The following POLE variants were observed in gnomAD, a reference collection of about 807,000 sequenced individuals.
POLE encodes the protein DNA polymerase epsilon, catalytic subunit, also known as DNA polymerase epsilon catalytic subunit A.
POLE carries 188 observed loss-of-function variants against 279.2 expected under a neutral mutation model. The observed-to-expected ratio is 0.67, with a 90% CI of 0.60 to 0.76. The LOEUF is 0.76. Among genes scored for constraint, POLE ranks in the 30% least tolerant of loss-of-function variants. The pLI is 0.00. For missense variants in POLE, 2,703 were observed against 3,016.7 expected (o/e 0.90, Z 2.44); for synonymous variants, 1,214 against 1,172.5 (o/e 1.04, Z -0.72).
At position 132,635,930 on chromosome 12, in the gene POLE, T is replaced by G. The variant is rs2042022859; in HGVS notation, c.5773A>C (p.Ile1925Leu). The change falls in exon 42 of 49, where the codon ATC becomes CTC. Residue 1925 changes from isoleucine to leucine, a missense_variant. This residue lies in a region of POLE where 1,551 missense variants were observed against 1,686.1 expected (regional missense o/e 0.92). Transcript: ENST00000320574. ...LWMDPSNYGG[I>L]KGKVSSRIHC... ...ATACGAGATGAAACTTTTCCTTTGA[T>G]TCCGCCATAGTTAGATGGATCCATC... 1 of 1,613,830 alleles carries G rather than the reference T, an allele frequency of 6.2e-7. No individual in the cohort carries two copies. Among genetic ancestry groups the G allele is most frequent in the Non-Finnish European group, 8.5e-7 (1 of 1,179,872 alleles).
chr12:132,680,128 C>A (rs1249799026), intron 4 of POLE, 50 bp downstream of exon 4: 2 of 1,600,028 alleles, frequency 1.2e-6, no homozygotes, highest in Non-Finnish European at 1.7e-6. Flanking sequence ...CAAAGCCCAC[C>A]ACAGAATGAC....
In POLE at chr12:132,641,722, T is replaced by G; in HGVS notation, c.5303A>C (p.Asp1768Ala). The G allele has an allele frequency of 6.2e-7, 1 of 1,613,486 alleles. No homozygotes were observed. The highest frequency in any genetic ancestry group is 8.5e-7 in the Non-Finnish European group (1 of 1,180,024). ...GGCAGCCTGACCACCCGTGATCATG[T>G]CCTCCAGGGAGGCCTGCTGGATCAC... ...FDVIQQASLE[D>A]MITGGQAASA... Residue 1768 changes from aspartate (D) to alanine (A), a missense_variant, in exon 39 of 49, where the codon GAC becomes GCC. Around this residue, in one of 5 missense-constraint regions of POLE, gnomAD observed 1,551 missense variants for 1,686.1 expected, o/e 0.92. Transcript: ENST00000320574.
At position 132,649,435 on chromosome 12, in the gene POLE, C is replaced by T. The variant is rs2138608438; in HGVS notation, c.3876G>A (p.Arg1292=). Residue 1292 remains arginine (R), a synonymous_variant, in exon 31 of 49, where the codon AGG becomes AGA. Coordinates refer to ENST00000320574, the MANE Select transcript of POLE (RefSeq NM_006231.4). ...QARQRLARRK[R]QRLESAEGVL... is the part of the protein sequence containing the mutation. The stretch of plus-strand genomic sequence containing the variant: ...CACCCTCTGCCGACTCCAGACGCTG[C>T]CTCTTCCTGCGGGCGAGGCGCTGCC... The T allele has an allele frequency of 6.2e-7, 1 of 1,612,890 alleles. No homozygotes were observed. The highest frequency in any genetic ancestry group is 8.5e-7 in the Non-Finnish European group (1 of 1,180,018).
At chr12:132,670,109 C>T (rs910805905) in intron 16 of POLE, among the ~76,000 whole-genome samples, 4 of 151,950 alleles carry the variant, frequency 2.6e-5, no homozygotes, top group South Asian at 2.1e-4. Context: ...CGGTGGCTCA[C>T]GCCTGTAATC....
intron 45 of POLE, among the ~76,000 whole-genome samples, chr12:132,628,337 C>T (rs1487991422): frequency 1.4e-5 from 2 of 147,678 alleles, no homozygotes; most frequent in Non-Finnish European, 3.0e-5. Flanking sequence ...GAGACTCCAT[C>T]TTAAAAAAAA....
rs747692201 is a variant in POLE at position 132,661,010 on chromosome 12, C to G, written c.3019G>C (p.Ala1007Pro). 8.1e-6 allele frequency: 13 copies of G among 1,613,764 alleles called. No homozygotes were observed. Among genetic ancestry groups the G allele is most frequent in the Non-Finnish European group, 1.1e-5 (13 of 1,179,858 alleles). The part of the protein sequence containing the change: ...STLEEVYGSV[A>P]KVADYWLDVL... ...TCCAGCCAGTAGTCAGCCACCTTGG[C>G]TACAGAGCCATACACCTCTTCCAGC... The change falls in exon 25 of 49, where the codon GCC becomes CCC. Residue 1007 changes from alanine (A) to proline (P), a missense_variant. Physicochemically the swap from Ala to Pro is conservative, Grantham distance 27. Transcript: ENST00000320574. This position sits in a 1 kb window ranked among gnomAD's most constrained non-coding sequence, Gnocchi z 4.1.
At chr12:132,679,884 C>A (rs779530987) in intron 5 of POLE, 70 bp downstream of exon 5, 6 of 1,208,178 alleles carry the variant, frequency 5.0e-6, no homozygotes, top group African/African-American at 4.6e-5. Context: ...CTACCTCTTC[C>A]GATCCCACCT....
At position 132,644,003 on chromosome 12, in the gene POLE, G is replaced by T. The variant is rs571766698; in HGVS notation, c.4150-26C>A. 3 of 1,605,474 alleles carry T rather than the reference G, an allele frequency of 1.9e-6. No homozygotes were observed. In the Admixed American group the frequency reaches 5.0e-5, roughly 27 times the overall value. ...CTGGCGAGAATACGACGATGATCTC[G>T]TCACTGGGCGTAAGTGGTAATGTCT... On this transcript the variant is annotated intron_variant, in intron 32 of 48. Transcript: ENST00000320574.
Position 132,675,809 on chromosome 12 carries a change from G to A in POLE, c.1032C>T (p.Ile344=), listed in dbSNP as rs763678641. ...CCTGGACGTGTTCAAACCACCTTTG[G>A]ATCAGATGAGCCTGAACCCAAGTCA... ...VFNEPDEAHL[I]QRWFEHVQET... The change falls in exon 11 of 49, where the codon ATC becomes ATT. Residue 344 remains isoleucine, a synonymous_variant. Transcript: ENST00000320574. The surrounding 1 kb of genome is among the most constrained non-coding windows in gnomAD (Gnocchi z 4.3). 3.1e-6 allele frequency: 5 copies of A among 1,613,854 alleles called. No homozygotes were observed. The highest frequency in any genetic ancestry group is 4.2e-6 in the Non-Finnish European group (5 of 1,179,738).
intron 39 of POLE, chr12:132,641,035 G>A (rs1156932269): frequency 8.8e-6 from 4 of 456,658 alleles, no homozygotes; most frequent in Non-Finnish European, 1.8e-5. Context: ...TTCATTTGTG[G>A]TATGACCACA....
intron 45 of POLE, among the ~76,000 whole-genome samples, chr12:132,628,318 C>T (rs1325765898): frequency 2.0e-5 from 3 of 150,232 alleles, no homozygotes; most frequent in East Asian, 2.0e-4. Context: ...CCAGCCTGGG[C>T]GAGAGTGCGA....
chr12:132,629,489 C>A (rs181799680), intron 45 of POLE, among the ~76,000 whole-genome samples: 3 of 152,354 alleles, frequency 2.0e-5, no homozygotes, highest in East Asian at 1.9e-4. Flanking sequence ...AGCCTCTCCA[C>A]CCGCACCTGT....
intron 10 of POLE, 26 bp downstream of exon 10, chr12:132,676,068 T>C: frequency 7.1e-7 from 1 of 1,417,256 alleles, no homozygotes; most frequent in African/African-American, 1.4e-5. Context: ...CAATACCGGG[T>C]AGTTTCCCAA....
At chr12:132,667,716 G>A (rs1489948426) in intron 19 of POLE, 68 bp from the exon 20 acceptor site, 1 of 1,542,354 alleles carries the variant, frequency 6.5e-7, no homozygotes, top group Admixed American at 1.7e-5. Flanking sequence ...CCAGGGCACA[G>A]GGGTGCTGAA....
chr12:132,672,059 G>A (rs945589961), intron 16 of POLE, among the ~76,000 whole-genome samples, 156 bp downstream of exon 16: 6 of 152,040 alleles, frequency 3.9e-5, no homozygotes, highest in East Asian at 3.9e-4. Context: ...AGCATCACAC[G>A]TCACAACCAT....
At chr12:132,649,631 G>A in intron 30 of POLE, 46 bp downstream of exon 30, 1 of 1,609,158 alleles carries the variant, frequency 6.2e-7, no homozygotes, top group Non-Finnish European at 8.5e-7. Context: ...TCCCTGGGCT[G>A]TGCAGACCCC....
intron 1 of POLE, among the ~76,000 whole-genome samples, chr12:132,686,124 G>A (rs1403096586): frequency 1.3e-5 from 2 of 151,990 alleles, no homozygotes; most frequent in African/African-American, 4.8e-5. Context: ...TGATCCTCCT[G>A]CCTCGGCCTC....
chr12:132,642,363 C>G lies in POLE; in HGVS notation c.4987G>C (p.Asp1663His), dbSNP rs753910068. ...AGGTCGGAGCCGAATGTGGAGATGT[C>G]CTCTGGTAGGTTCCCAATGGGAATG... The part of the protein sequence containing the change: ...FHIPIGNLPE[D>H]ISTFGSDLFF... The change falls in exon 38 of 49, where the codon GAC becomes CAC. Residue 1663 changes from aspartate to histidine, a missense_variant. Transcript: ENST00000320574. 3 of 1,583,936 alleles carry G rather than the reference C, an allele frequency of 1.9e-6. No individual in the cohort carries two copies. The highest frequency in any genetic ancestry group is 2.6e-6 in the Non-Finnish European group (3 of 1,162,692).
chr12:132,648,862 C>A (rs2138594657), intron 32 of POLE, 67 bp downstream of exon 32: 2 of 1,528,984 alleles, frequency 1.3e-6, no homozygotes, highest in Admixed American at 3.6e-5. Flanking sequence ...GGAGGCCAGG[C>A]TAGATCATGG....
Sources: allele counts gnomAD v4.1 joint callset (sites outside exome capture counted in the v4.1 genomes callset), GRCh38; gene constraint gnomAD v4.1.1; regional missense constraint gnomAD v4.1.1; non-coding constraint Gnocchi (gnomAD v3.1); transcripts MANE v1.5; gene names NCBI Gene and HGNC (gene_info 2026-07-23, HGNC 2026-07-21).